The following LSAMP variants were observed in gnomAD, a reference collection of about 807,000 sequenced individuals.
LSAMP encodes the protein limbic system-associated membrane protein.
A neutral mutation model predicts 38.6 loss-of-function variants in LSAMP; 7 were observed. That is an observed-to-expected ratio of 0.18 (90% CI 0.10 to 0.34). The LOEUF (loss-of-function observed/expected upper bound fraction) is 0.34. Among genes scored for constraint, LSAMP ranks in the 10% least tolerant of loss-of-function variants. The probability of loss-of-function intolerance (pLI) is 1.00; values close to 1 mark genes in which losing one functional copy is unlikely to be tolerated. For missense variants in LSAMP, 313 were observed against 420.0 expected, an observed-to-expected ratio of 0.75 and a Z score of 2.23; for synonymous variants, 154 against 166.8, an observed-to-expected ratio of 0.92 and a Z score of 0.59.
chr3:116,302,172 C>T (rs1417935251), intron 1 of LSAMP, among the ~76,000 whole-genome samples: 2 of 152,192 alleles, frequency 1.3e-5, no homozygotes, highest in Admixed American at 6.5e-5. Flanking sequence ...TGGTAATCAC[C>T]AGTGGCATTC....
chr3:116,231,496 G>A (rs967615571), intron 1 of LSAMP, among the ~76,000 whole-genome samples: 8 of 152,194 alleles, frequency 5.3e-5, no homozygotes, highest in Non-Finnish European at 2.9e-5. Context: ...CAATAAACAT[G>A]TGCTTAATGG....
At chr3:116,193,970 C>T (rs1710815930) in intron 1 of LSAMP, among the ~76,000 whole-genome samples, 1 of 152,108 alleles carries the variant, frequency 6.6e-6, no homozygotes, top group South Asian at 2.1e-4. Flanking sequence ...ACAGTGTTTG[C>T]TAAGTCATGA....
chr3:116,218,116 G>C (rs941516991), intron 1 of LSAMP, among the ~76,000 whole-genome samples: 2 of 152,056 alleles, frequency 1.3e-5, no homozygotes, highest in Non-Finnish European at 2.9e-5. Context: ...CGAAGAGTTC[G>C]GGTGGGAGAA....
intron 1 of LSAMP, among the ~76,000 whole-genome samples, chr3:116,162,806 T>A (rs1445108225): frequency 7.1e-6 from 1 of 141,536 alleles, no homozygotes; most frequent in African/African-American, 2.9e-5. Context: ...CACTTTGCTT[T>A]CCAAGGCAGT....
intron 3 of LSAMP, among the ~76,000 whole-genome samples, chr3:115,923,793 A>G (rs975759287): frequency 1.3e-5 from 2 of 152,086 alleles, no homozygotes; most frequent in African/African-American, 4.8e-5. Flanking sequence ...CCTGAATTTC[A>G]CCTGCATTGT....
chr3:116,141,065 A>G (rs767577695), intron 1 of LSAMP, among the ~76,000 whole-genome samples: 13 of 151,990 alleles, frequency 8.6e-5, no homozygotes, highest in Non-Finnish European at 1.8e-4. Flanking sequence ...GCCATTGCCC[A>G]CTGTGTTAGA....
chr3:116,341,997 A>G (rs2048001971), intron 1 of LSAMP, among the ~76,000 whole-genome samples: 1 of 152,038 alleles, frequency 6.6e-6, no homozygotes, highest in African/African-American at 2.4e-5. Context: ...CTCAGAGAAA[A>G]GGGCTATATA....
At chr3:116,439,311 A>ATTTTTTTTTTT (rs752859898) in intron 1 of LSAMP, among the ~76,000 whole-genome samples, 1 of 130,756 alleles carries the variant, frequency 7.6e-6, no homozygotes. Flanking sequence ...AGGTCCTGAG[A>ATTTTTTTTTTT]TTTTGTTGTT....
intron 1 of LSAMP, among the ~76,000 whole-genome samples, chr3:116,154,545 G>A (rs1709695122): frequency 6.6e-6 from 1 of 152,074 alleles, no homozygotes; most frequent in Admixed American, 6.6e-5. Context: ...ACTTTACTGG[G>A]TTCTACAATG....
intron 1 of LSAMP, among the ~76,000 whole-genome samples, chr3:116,152,980 TACTC>T (rs1371405030): frequency 6.6e-6 from 1 of 152,002 alleles, no homozygotes; most frequent in African/African-American, 2.4e-5. Flanking sequence ...ATATAAAAAA[TACTC>T]AAAAGGAGAT....
chr3:116,345,276 A>G (rs2048050543), intron 1 of LSAMP, among the ~76,000 whole-genome samples: 1 of 152,124 alleles, frequency 6.6e-6, no homozygotes, highest in African/African-American at 2.4e-5. Context: ...TGAGATATCA[A>G]CCTCCCATTA....
chr3:115,993,896 C>G (rs1268857500), intron 3 of LSAMP, among the ~76,000 whole-genome samples: 5 of 152,040 alleles, frequency 3.3e-5, no homozygotes, highest in Non-Finnish European at 7.4e-5. Context: ...GAGAATGGTG[C>G]TGTTGGCTCA....
At chr3:116,282,968 C>T (rs1481488190) in intron 1 of LSAMP, among the ~76,000 whole-genome samples, 1 of 152,040 alleles carries the variant, frequency 6.6e-6, no homozygotes, top group Admixed American at 6.6e-5. Flanking sequence ...CTGCTCTTGC[C>T]CACCCATGAC....
At chr3:115,839,308 T>TCCTTCCTC (rs1313472710) in intron 6 of LSAMP, among the ~76,000 whole-genome samples, 35 of 138,618 alleles carry the variant, frequency 2.5e-4, no homozygotes, top group Admixed American at 2.8e-4. Flanking sequence ...CTTCCTTCCT[T>TCCTTCCTC]CCTTCCTTCC....
intron 3 of LSAMP, among the ~76,000 whole-genome samples, chr3:115,980,119 A>G (rs914276003): frequency 1.3e-5 from 2 of 152,132 alleles, no homozygotes; most frequent in Admixed American, 1.3e-4. Context: ...GCATTCTGAG[A>G]GTTTAACCTA....
chr3:116,064,864 T>C (rs1008375011), intron 2 of LSAMP, among the ~76,000 whole-genome samples: 12 of 152,354 alleles, frequency 7.9e-5, no homozygotes, highest in Middle Eastern at 3.4e-3. Context: ...GTAATTCATA[T>C]GGTCTGACCT....
chr3:116,354,290 T>G (rs2048188931), intron 1 of LSAMP, among the ~76,000 whole-genome samples: 1 of 152,134 alleles, frequency 6.6e-6, no homozygotes, highest in African/African-American at 2.4e-5. Context: ...GGTCAGACAC[T>G]TCTATGCAAA....
intron 1 of LSAMP, among the ~76,000 whole-genome samples, chr3:116,236,779 C>T (rs143063024): frequency 7.2e-5 from 11 of 152,024 alleles, no homozygotes; most frequent in Non-Finnish European, 1.3e-4. Context: ...TTTGAATAAA[C>T]CACAATGTAT....
chr3:116,120,387 G>A (rs1708848074), intron 1 of LSAMP, among the ~76,000 whole-genome samples: 1 of 152,064 alleles, frequency 6.6e-6, no homozygotes, highest in African/African-American at 2.4e-5. Flanking sequence ...ATTGGGGTCA[G>A]TAGAAGAAAA....
Sources: gnomAD v4.1 joint callset for allele counts (sites outside exome capture counted in the v4.1 genomes callset) on GRCh38, gnomAD v4.1.1 for gene constraint, MANE v1.5 for transcripts, NCBI Gene and HGNC (gene_info 2026-07-23, HGNC 2026-07-21) for gene names.